Variants in CPNE4 observed in about 807,000 individuals in gnomAD.
The protein encoded by CPNE4 is copine-4.
Under a neutral mutation model 67.9 loss-of-function variants are expected in CPNE4, and 25 were observed. The observed-to-expected ratio is 0.37, with a 90% confidence interval of 0.27 to 0.51. The LOEUF (loss-of-function observed/expected upper bound fraction) is 0.51. Among genes scored for constraint, CPNE4 ranks in the 20% least tolerant of loss-of-function variants. The probability of loss-of-function intolerance (pLI) is 0.93; values close to 1 mark genes in which losing one functional copy is unlikely to be tolerated. For missense variants in CPNE4, 464 were observed against 690.8 expected, an observed-to-expected ratio of 0.67 and a Z score of 3.68; for synonymous variants, 242 against 244.9, an observed-to-expected ratio of 0.99 and a Z score of 0.11.
At chr3:131,945,294 G>A (rs1477141304) in intron 1 of CPNE4, among the ~76,000 whole-genome samples, 3 of 152,154 alleles carry the variant, frequency 2.0e-5, no homozygotes, top group Non-Finnish European at 4.4e-5. Context: ...CTTCTCCAGT[G>A]TCACACTCTA....
intron 1 of CPNE4, among the ~76,000 whole-genome samples, chr3:131,942,415 C>T (rs1225027): frequency 0.24 from 32,869 of 138,602 alleles, 4,603 homozygotes; most frequent in Middle Eastern, 0.33. Flanking sequence ...TTTCTTCTAG[C>T]TTCCTCGTGT....
chr3:131,978,192 T>A (rs1205749269), intron 1 of CPNE4, among the ~76,000 whole-genome samples: 35 of 55,852 alleles, frequency 6.3e-4, no homozygotes, highest in African/African-American at 3.7e-3. Flanking sequence ...TATAATATAT[T>A]TATAATTATT....
At chr3:131,726,626 G>T (rs1481571674) in intron 2 of CPNE4, among the ~76,000 whole-genome samples, 2 of 146,102 alleles carry the variant, frequency 1.4e-5, no homozygotes, top group Non-Finnish European at 3.0e-5. Context: ...GCCTAGGATT[G>T]TTCATTTCTC....
chr3:131,789,033 C>G lies in CPNE4; in HGVS notation c.181-65408G>C, dbSNP rs57310011. 9.1e-3 allele frequency among the ~76,000 whole-genome samples: 1,314 copies of G among 144,204 alleles called. 17 individuals carry two copies. The highest frequency in any genetic ancestry group is 0.032 in the African/African-American group (1,210 of 37,334). 94.6% of individuals were successfully genotyped at this position (144,204 alleles called of 152,430 possible). On this transcript the variant is annotated intron_variant, in intron 2 of 15. Coordinates refer to ENST00000429747, the MANE Select transcript of CPNE4 (RefSeq NM_130808.3). The stretch of plus-strand genomic sequence containing the variant: ...ACACACACACACACACACACACACA[C>G]ACAGAGAGAGAGAGAGAGAGAGAGA...
In CPNE4 at chr3:131,549,998, G is replaced by A. The variant is rs762372215; in HGVS notation, c.1251C>T (p.Ile417=). The change falls in exon 14 of 16, where the codon ATC becomes ATT. Residue 417 remains isoleucine, a synonymous_variant. Transcript: ENST00000429747. ...LYGPTNIAPI[I]QKVAKSASEE... ...CTGACGCTGACTTGGCAACCTTCTG[G>A]ATGATGGGGGCAATGTTGGTGGGAC... 6.2e-7 allele frequency: 1 copy of A among 1,613,200 alleles called. No individual in the cohort carries two copies. Among genetic ancestry groups the A allele is most frequent in the East Asian group, 2.2e-5 (1 of 44,830 alleles).
intron 2 of CPNE4, among the ~76,000 whole-genome samples, chr3:131,781,178 C>T (rs1303805862): frequency 7.9e-5 from 12 of 152,068 alleles, no homozygotes; most frequent in African/African-American, 1.4e-4. Context: ...TAACTTTGGT[C>T]CCACTCTACC....
intron 1 of CPNE4, among the ~76,000 whole-genome samples, chr3:131,978,033 T>C (rs960081761): frequency 4.1e-5 from 5 of 120,954 alleles, no homozygotes; most frequent in African/African-American, 1.3e-4. Context: ...TATGGCTGCA[T>C]AGTATTCCAT....
chr3:131,759,078 G>A (rs1385175324), intron 2 of CPNE4, among the ~76,000 whole-genome samples: 1 of 152,140 alleles, frequency 6.6e-6, no homozygotes, highest in Admixed American at 6.5e-5. Context: ...ATCTTGCCCA[G>A]CCCTAGTAGG....
intron 12 of CPNE4, 44 bp from the exon 13 acceptor site, chr3:131,552,535 T>C (rs757102655): frequency 1.9e-6 from 3 of 1,545,608 alleles, no homozygotes; most frequent in South Asian, 2.2e-5. Context: ...AAAGAAGAAT[T>C]ACAACTTTAA....
intron 7 of CPNE4, among the ~76,000 whole-genome samples, chr3:131,640,490 C>A (rs1399199289): frequency 6.6e-6 from 1 of 152,034 alleles, no homozygotes; most frequent in Non-Finnish European, 1.5e-5. Context: ...AGGGAAACTA[C>A]AAAACACTGC....
chr3:131,822,008 C>T (rs764317930), intron 2 of CPNE4, among the ~76,000 whole-genome samples: 21 of 152,172 alleles, frequency 1.4e-4, no homozygotes, highest in Non-Finnish European at 2.1e-4. Flanking sequence ...AATTGGTAAA[C>T]ACTTCAGTAA....
At chr3:131,941,857 T>A (rs756416881) in intron 1 of CPNE4, among the ~76,000 whole-genome samples, 89 of 152,096 alleles carry the variant, frequency 5.9e-4, no homozygotes, top group Non-Finnish European at 1.6e-4. Context: ...AAGACTTTAG[T>A]TCTTTTATTA....
chr3:131,964,568 G>T (rs1031244835), intron 1 of CPNE4, among the ~76,000 whole-genome samples: 1 of 151,792 alleles, frequency 6.6e-6, no homozygotes, highest in African/African-American at 2.4e-5. Flanking sequence ...TGAGAACTTT[G>T]TGAAGCATAC....
intron 1 of CPNE4, among the ~76,000 whole-genome samples, chr3:131,988,101 C>T (rs1455865160): frequency 6.6e-6 from 1 of 152,188 alleles, no homozygotes; most frequent in East Asian, 1.9e-4. Context: ...AGGGAAAATG[C>T]TTGTTCCCCT....
chr3:131,578,864 G>A (rs1249771769), intron 9 of CPNE4, among the ~76,000 whole-genome samples: 2 of 152,172 alleles, frequency 1.3e-5, no homozygotes, highest in Non-Finnish European at 2.9e-5. Context: ...GTTGGTTCAT[G>A]AGGTTTAAGG....
chr3:131,677,869 G>A (rs1401952201), intron 6 of CPNE4, among the ~76,000 whole-genome samples: 1 of 152,118 alleles, frequency 6.6e-6, no homozygotes, highest in African/African-American at 2.4e-5. Flanking sequence ...GTAGCGTGAT[G>A]CCTCCAGCTT....
At chr3:131,757,165 A>G (rs558633866) in intron 2 of CPNE4, among the ~76,000 whole-genome samples, 156 of 152,328 alleles carry the variant, frequency 1.0e-3, no homozygotes, top group African/African-American at 3.7e-3. Context: ...GCAACTTTGG[A>G]ACTGGGTAAC....
upstream of CPNE4, among the ~76,000 whole-genome samples, chr3:132,038,557 G>C (rs2074371707): frequency 6.6e-6 from 1 of 152,170 alleles, no homozygotes; most frequent in Non-Finnish European, 1.5e-5. Flanking sequence ...AAATAGCTCT[G>C]TATAATTTCA....
At chr3:131,789,032 A>T (rs2083640391) in intron 2 of CPNE4, among the ~76,000 whole-genome samples, 1 of 148,074 alleles carries the variant, frequency 6.8e-6, no homozygotes, top group East Asian at 2.1e-4. Context: ...ACACACACAC[A>T]CACAGAGAGA....
Sources: gnomAD v4.1 joint callset for allele counts (sites outside exome capture counted in the v4.1 genomes callset) on GRCh38, gnomAD v4.1.1 for gene constraint, MANE v1.5 for transcripts, NCBI Gene and HGNC (gene_info 2026-07-23, HGNC 2026-07-21) for gene names.